The following ADGRB3 variants were observed in gnomAD, a reference collection of about 807,000 sequenced individuals.
The protein encoded by ADGRB3 is brain-specific angiogenesis inhibitor 3.
Under a neutral mutation model 193.4 loss-of-function variants are expected in ADGRB3, and 37 were observed. That is an observed-to-expected ratio of 0.19 (90% CI 0.15 to 0.25). The LOEUF (loss-of-function observed/expected upper bound fraction) is 0.25, where lower values mean the gene tolerates loss of function less well. Ranked by LOEUF, ADGRB3 falls within the 10% of genes least tolerant of loss-of-function variation. The pLI is 1.00. For missense variants in ADGRB3, 1,637 were observed against 1,852.9 expected (o/e 0.88, Z 2.14); for synonymous variants, 690 against 644.2 (o/e 1.07, Z -1.08).
At chr6:68,870,569 T>G (rs1554210367) in intron 3 of ADGRB3, among the ~76,000 whole-genome samples, 1 of 152,178 alleles carries the variant, frequency 6.6e-6, no homozygotes, top group Non-Finnish European at 1.5e-5. Flanking sequence ...AGTTAATCCA[T>G]CTTTCACAGG....
chr6:69,369,128 G>A (rs1769652129), intron 29 of ADGRB3, among the ~76,000 whole-genome samples: 1 of 152,084 alleles, frequency 6.6e-6, no homozygotes, highest in Non-Finnish European at 1.5e-5. Flanking sequence ...CAGAAAAATT[G>A]TTATGGCTTG....
chr6:68,920,512 CAAAAAAAAAAAAAAAA>C (rs5877180), intron 3 of ADGRB3, among the ~76,000 whole-genome samples: 22 of 68,916 alleles, frequency 3.2e-4, no homozygotes, highest in African/African-American at 1.4e-3. Flanking sequence ...GACTCTGTAT[CAAAAAAAAAAAAAAAA>C]AAAAAAAAAG....
chr6:68,767,521 G>T (rs1766532281), intron 3 of ADGRB3, among the ~76,000 whole-genome samples: 2 of 152,056 alleles, frequency 1.3e-5, no homozygotes, highest in Non-Finnish European at 2.9e-5. Flanking sequence ...TAATAAACTA[G>T]GTATTGATGG....
chr6:69,255,204 G>A (rs1020480937), intron 20 of ADGRB3, among the ~76,000 whole-genome samples: 1 of 152,102 alleles, frequency 6.6e-6, no homozygotes, highest in African/African-American at 2.4e-5. Flanking sequence ...ATGAGTTAGA[G>A]TCCTTTGGGT....
intron 17 of ADGRB3, among the ~76,000 whole-genome samples, chr6:69,179,991 G>T (rs1256400817): frequency 6.6e-6 from 1 of 152,216 alleles, no homozygotes; most frequent in African/African-American, 2.4e-5. Flanking sequence ...GGCAGGGCCA[G>T]ACTGGGCATG....
intron 20 of ADGRB3, among the ~76,000 whole-genome samples, chr6:69,240,272 C>G (rs894413423): frequency 6.6e-6 from 1 of 151,980 alleles, no homozygotes; most frequent in Non-Finnish European, 1.5e-5. Context: ...CTTCTTGGCC[C>G]ACATTGCCCT....
intron 23 of ADGRB3, chr6:69,332,610 C>T (rs955716642): frequency 1.0e-6 from 1 of 985,304 alleles, no homozygotes; most frequent in African/African-American, 1.7e-5. Flanking sequence ...TCAGGGTTGA[C>T]TCAGACAGAA....
intron 3 of ADGRB3, among the ~76,000 whole-genome samples, chr6:68,728,544 G>C (rs902779918): frequency 6.6e-6 from 1 of 151,418 alleles, no homozygotes; most frequent in African/African-American, 2.4e-5. Flanking sequence ...TTCTGGCACT[G>C]TTTTCTAGGC....
At chr6:68,806,326 G>A (rs117347167) in intron 3 of ADGRB3, among the ~76,000 whole-genome samples, 3,509 of 152,006 alleles carry the variant, frequency 0.023, 68 homozygotes, top group South Asian at 0.075. Context: ...TGTATTCTGT[G>A]TATTCACATA....
chr6:68,759,020 G>A (rs1435461169), intron 3 of ADGRB3, among the ~76,000 whole-genome samples: 1 of 152,106 alleles, frequency 6.6e-6, no homozygotes, highest in Non-Finnish European at 1.5e-5. Flanking sequence ...CGAAATGGTA[G>A]GCCATGAACT....
intron 3 of ADGRB3, among the ~76,000 whole-genome samples, chr6:68,776,813 C>A (rs1203103948): frequency 1.3e-5 from 2 of 152,064 alleles, no homozygotes; most frequent in African/African-American, 2.4e-5. Context: ...AGCTATTAAT[C>A]TTCTTTAATT....
chr6:68,916,461 C>T (rs774776567), intron 3 of ADGRB3, among the ~76,000 whole-genome samples: 16 of 152,112 alleles, frequency 1.1e-4, no homozygotes. Flanking sequence ...GCAAAAGATA[C>T]AGTAATGGAC....
intron 17 of ADGRB3, among the ~76,000 whole-genome samples, chr6:69,096,395 T>G (rs1371112575): frequency 6.9e-6 from 1 of 144,620 alleles, no homozygotes. Flanking sequence ...CTTTATTAAA[T>G]GCATCATCTT....
intron 20 of ADGRB3, among the ~76,000 whole-genome samples, chr6:69,240,485 A>G: frequency 6.6e-6 from 1 of 152,024 alleles, no homozygotes; most frequent in Non-Finnish European, 1.5e-5. Flanking sequence ...GTTCAGGTCC[A>G]TGTTATAAAC....
At chr6:69,267,135 G>A (rs1478085736) in intron 20 of ADGRB3, among the ~76,000 whole-genome samples, 3 of 151,818 alleles carry the variant, frequency 2.0e-5, no homozygotes, top group Admixed American at 2.0e-4. Flanking sequence ...AAATTTTTTT[G>A]TTTTTAACAT....
At chr6:69,345,830 T>G (rs759414618) in intron 26 of ADGRB3, among the ~76,000 whole-genome samples, 1 of 152,184 alleles carries the variant, frequency 6.6e-6, no homozygotes, top group Non-Finnish European at 1.5e-5. Context: ...TCTTTGCAGA[T>G]GACATGATTG....
chr6:68,649,330 A>G (rs981753986), intron 3 of ADGRB3, among the ~76,000 whole-genome samples: 6 of 152,162 alleles, frequency 3.9e-5, no homozygotes, highest in African/African-American at 1.4e-4. Context: ...TGGAATACAC[A>G]TTCAACAACA....
intron 3 of ADGRB3, among the ~76,000 whole-genome samples, chr6:68,892,492 A>G (rs1039794314): frequency 6.6e-6 from 1 of 152,202 alleles, no homozygotes; most frequent in African/African-American, 2.4e-5. Context: ...CATTGCTATT[A>G]GTCTCCAACT....
rs569606917 is a variant in ADGRB3, at chr6:69,132,958, G to A, written c.2480+56920G>A. Among the ~76,000 whole-genome samples, 104 of 152,186 alleles carry A rather than the reference G, an allele frequency of 6.8e-4. 4 individuals are homozygous for A. The highest frequency in any genetic ancestry group is 6.7e-3 in the Admixed American group (102 of 15,286). On this transcript the variant is annotated intron_variant, in intron 17 of 31. Transcript: ENST00000370598. Reference sequence around the variant, plus strand: ...TATAGATGTGTGGTGTTATTTCTGAGGGCTCTGTTCTGTTCCATTGGTCTA... The same window carrying A: ...TATAGATGTGTGGTGTTATTTCTGAAGGCTCTGTTCTGTTCCATTGGTCTA...
Sources: allele counts gnomAD v4.1 joint callset (sites outside exome capture counted in the v4.1 genomes callset), GRCh38; gene constraint gnomAD v4.1.1; transcripts MANE v1.5; gene names NCBI Gene and HGNC (gene_info 2026-07-23, HGNC 2026-07-21).